STYXL2: variants seen among roughly 807,000 people sequenced by gnomAD.
STYXL2 encodes the protein serine/threonine/tyrosine interacting like 2, also known as serine/threonine/tyrosine-interacting-like protein 2.
STYXL2 carries 44 observed loss-of-function variants against 52.4 expected under a neutral mutation model. That is an observed-to-expected ratio of 0.84 (90% CI 0.66 to 1.08). The LOEUF is 1.08. Among genes scored for constraint, STYXL2 ranks in the 50% least tolerant of loss-of-function variants. STYXL2 has a pLI of 0.00. For missense variants in STYXL2, 1,604 were observed against 1,471.7 expected (o/e 1.09, Z -1.47); for synonymous variants, 604 against 586.9 (o/e 1.03, Z -0.42).
intron 4 of STYXL2, 78 bp from the exon 5 acceptor site, chr1:167,119,171 A>G: frequency 7.2e-7 from 1 of 1,393,978 alleles, no homozygotes; most frequent in South Asian, 1.2e-5. Flanking sequence ...AGACTGGCTG[A>G]GGCAGGCTCA....
chr1:167,098,907 G>A (rs1173875634), intron 2 of STYXL2, among the ~76,000 whole-genome samples: 1 of 152,160 alleles, frequency 6.6e-6, no homozygotes, highest in South Asian at 2.1e-4. Flanking sequence ...GAGTTACATA[G>A]CACCACTTCT....
chr1:167,101,036 A>C (rs1266054404), intron 2 of STYXL2, among the ~76,000 whole-genome samples: 2 of 152,214 alleles, frequency 1.3e-5, no homozygotes, highest in Admixed American at 6.5e-5. Flanking sequence ...TGAAAACAGA[A>C]CCTATAGACT....
chr1:167,119,183 C>T (rs564369517), intron 4 of STYXL2, 66 bp from the exon 5 acceptor site: 5 of 1,487,542 alleles, frequency 3.4e-6, no homozygotes, highest in Admixed American at 1.8e-5. Flanking sequence ...GCAGGCTCAC[C>T]GTCACAGTGG....
At chr1:167,113,435 C>A (rs528354589) in intron 2 of STYXL2, among the ~76,000 whole-genome samples, 1 of 152,338 alleles carries the variant, frequency 6.6e-6, no homozygotes, top group Admixed American at 6.5e-5. Flanking sequence ...TTCCCCCAAG[C>A]GTAGATGTAC....
In STYXL2 at chr1:167,127,275, G is replaced by A. The variant is rs1667996072; in HGVS notation, c.2144G>A (p.Gly715Glu). Reference protein sequence around the residue: ...TPLPNLPVGPGDTISIASIQN... With the variant: ...TPLPNLPVGPEDTISIASIQN... ...CTGCCTAACCTGCCAGTGGGGCCTG[G>A]AGACACCATTTCCATTGCCAGTATC... is the stretch of plus-strand genomic sequence containing the variant. Residue 715 changes from glycine (G) to glutamate (E), a missense_variant, in exon 6 of 6, where the codon GGA becomes GAA. Gly to Glu is a moderately conservative substitution (Grantham distance 98). Transcript: ENST00000361200. The A allele has an allele frequency of 6.2e-7, 1 of 1,614,192 alleles. No homozygotes were observed. The highest frequency in any genetic ancestry group is 8.5e-7 in the Non-Finnish European group (1 of 1,180,042).
intron 4 of STYXL2, 71 bp downstream of exon 4, chr1:167,117,630 C>T (rs1667757052): frequency 7.1e-7 from 1 of 1,413,374 alleles, no homozygotes; most frequent in Non-Finnish European, 9.7e-7. Flanking sequence ...ACGAAACTCC[C>T]CCAACTTTCA....
At chr1:167,112,655 G>C (rs1252102590) in intron 2 of STYXL2, among the ~76,000 whole-genome samples, 1 of 152,166 alleles carries the variant, frequency 6.6e-6, no homozygotes, top group African/African-American at 2.4e-5. Context: ...AGAGAACACT[G>C]GACCTACAGC....
chr1:167,104,150 A>G lies in STYXL2; in HGVS notation c.110+9191A>G, dbSNP rs1667461338. Among the ~76,000 whole-genome samples, 3 of 152,034 alleles carry G rather than the reference A, an allele frequency of 2.0e-5. No individual in the cohort carries two copies. The South Asian group carries it at 6.2e-4, about 32-fold the overall frequency. ...AAAGAAGTAAGTGCGCTTGTAATGC[A>G]AACCAACCTCTGCCCGTCCCCCCAC... On this transcript the variant is annotated intron_variant, in intron 2 of 5. Transcript: ENST00000361200.
intron 2 of STYXL2, among the ~76,000 whole-genome samples, chr1:167,113,221 C>T (rs1667653335): frequency 6.6e-6 from 1 of 152,084 alleles, no homozygotes; most frequent in African/African-American, 2.4e-5. Flanking sequence ...CATCATTAGC[C>T]CATTCCCTTA....
At position 167,120,725 on chromosome 1, in the gene STYXL2, T is replaced by C. The variant is rs572915045; in HGVS notation, c.655+1259T>C. On this transcript the variant is annotated intron_variant, in intron 5 of 5. Transcript: ENST00000361200. ...TTGACCTCCTGGGCTCAAGCGATCC[T>C]CCCACCTCGGCCTCCCAAAGTGCTG... 4.0e-5 allele frequency among the ~76,000 whole-genome samples: 6 copies of C among 151,462 alleles called. No homozygotes were observed. The East Asian group carries it at 1.2e-3, about 29-fold the overall frequency.
At chr1:167,102,653 T>G (rs1667426133) in intron 2 of STYXL2, among the ~76,000 whole-genome samples, 2 of 152,172 alleles carry the variant, frequency 1.3e-5, no homozygotes, top group Admixed American at 6.5e-5. Context: ...ACACACTGAT[T>G]AAGACATCAT....
intron 5 of STYXL2, among the ~76,000 whole-genome samples, chr1:167,124,331 C>A (rs1268682325): frequency 1.3e-5 from 2 of 152,156 alleles, no homozygotes; most frequent in African/African-American, 4.8e-5. Flanking sequence ...TCCTGTGTGA[C>A]CAAGACATGA....
chr1:167,094,903 C>G lies in STYXL2; in HGVS notation c.54C>G (p.Asp18Glu). 24 of 1,612,992 alleles carry G rather than the reference C, an allele frequency of 1.5e-5. No individual in the cohort carries two copies. Among genetic ancestry groups the G allele is most frequent in the Non-Finnish European group, 2.0e-5 (24 of 1,179,748 alleles). Residue 18 changes from aspartate to glutamate, a missense_variant, in exon 2 of 6, where the codon GAC becomes GAG. Asp to Glu is a conservative substitution (Grantham distance 45). Coordinates refer to ENST00000361200, the MANE Select transcript of STYXL2 (RefSeq NM_001080426.3). Reference sequence around the variant, plus strand: ...AGCAGGTAGTCCCAAGCGAGGAGGACGAAGCCAACGTGAGGGCGGTGCAGG... The same window carrying G: ...AGCAGGTAGTCCCAAGCGAGGAGGAGGAAGCCAACGTGAGGGCGGTGCAGG... Reference protein sequence around the residue: ...EEEQVVPSEEDEANVRAVQAH... With the variant: ...EEEQVVPSEEEEANVRAVQAH...
intron 3 of STYXL2, 33 bp from the exon 4 acceptor site, chr1:167,117,295 C>T (rs752610061): frequency 3.2e-6 from 5 of 1,553,834 alleles, no homozygotes; most frequent in Non-Finnish European, 4.4e-6. Flanking sequence ...ATGTTCCTAA[C>T]TCTCTGATGA....
At chr1:167,117,999 A>G (rs538090245) in intron 4 of STYXL2, among the ~76,000 whole-genome samples, 1 of 152,266 alleles carries the variant, frequency 6.6e-6, no homozygotes, top group Non-Finnish European at 1.5e-5. Context: ...AGACATGTAC[A>G]GTGTGCTGCT....
intron 3 of STYXL2, 91 bp downstream of exon 3, chr1:167,113,895 T>G: frequency 1.0e-6 from 1 of 982,642 alleles, no homozygotes; most frequent in Middle Eastern, 2.1e-4. Context: ...AATGTGCCTC[T>G]CAGGTGCTGC....
At chr1:167,116,595 A>G (rs1667726596) in intron 3 of STYXL2, among the ~76,000 whole-genome samples, 1 of 151,546 alleles carries the variant, frequency 6.6e-6, no homozygotes, top group African/African-American at 2.4e-5. Flanking sequence ...AGTGAATTAT[A>G]CTATGAATGA....
intron 2 of STYXL2, among the ~76,000 whole-genome samples, chr1:167,108,138 C>CACCTGGCCCAGCCTT (rs1667543033): frequency 1.3e-5 from 2 of 152,194 alleles, no homozygotes; most frequent in South Asian, 4.1e-4. Flanking sequence ...TGTATGTGGA[C>CACCTGGCCCAGCCTT]ACCTGGCCCA....
chr1:167,124,563 C>T (rs181840776), intron 5 of STYXL2, among the ~76,000 whole-genome samples: 7 of 152,044 alleles, frequency 4.6e-5, no homozygotes, highest in East Asian at 3.9e-4. Flanking sequence ...GATGCAAAGC[C>T]GAAAAGGAGG....
Sources: gnomAD v4.1 joint callset for allele counts (sites outside exome capture counted in the v4.1 genomes callset) on GRCh38, gnomAD v4.1.1 for gene constraint, MANE v1.5 for transcripts, NCBI Gene and HGNC (gene_info 2026-07-23, HGNC 2026-07-21) for gene names.